CABP1: variants seen among roughly 807,000 people sequenced by gnomAD.
CABP1 encodes the protein calcium-binding protein 1.
In CABP1, 17 loss-of-function variants were observed where a neutral mutation model predicts 34.3. That is an observed-to-expected ratio of 0.50 (90% confidence interval 0.34 to 0.74). The LOEUF is 0.74. CABP1 is among the 30% of genes least tolerant of loss of function. The probability of loss-of-function intolerance (pLI) is 0.01; values close to 1 mark genes in which losing one functional copy is unlikely to be tolerated. For missense variants in CABP1, 373 were observed against 511.1 expected (o/e 0.73, Z 2.61); for synonymous variants, 198 against 229.2 (o/e 0.86, Z 1.23).
chr12:120,674,346 C>T, the CABP1 span, among the ~76,000 whole-genome samples: 4 of 152,240 alleles, frequency 2.6e-5, no homozygotes, highest in African/African-American at 9.6e-5. Context: ...TATGGCAGAA[C>T]CTCTTATTGA....
intron 1 of CABP1, chr12:120,650,734 C>T (rs1251508834): frequency 2.5e-6 from 4 of 1,571,860 alleles, no homozygotes; most frequent in African/African-American, 1.4e-5. Context: ...GGGTATCTCA[C>T]CATCTGTCTC....
In CABP1 at chr12:120,641,938, G is replaced by A. The variant is rs1183083639; in HGVS notation, c.654+599G>A. ...GCTGTGGCTCAAACTGGAACTTTGG[G>A]GTGGTTTAAGGAGGCTGTCACTCTA... On this transcript the variant is annotated intron_variant, in intron 1 of 5. Transcript: ENST00000316803. The surrounding 1 kb of genome is among the most constrained non-coding windows in gnomAD (Gnocchi z 6.7). Among the ~76,000 whole-genome samples the A allele has an allele frequency of 6.6e-6, 1 of 152,104 alleles. No individual in the cohort carries two copies. The highest frequency in any genetic ancestry group is 2.4e-5 in the African/African-American group (1 of 41,398).
chr12:120,656,209 G>T, intron 1 of CABP1: 1 of 1,603,580 alleles, frequency 6.2e-7, no homozygotes, highest in East Asian at 2.2e-5. Flanking sequence ...GCGCAGTCAT[G>T]CACAACCTGC....
intron 1 of CABP1, among the ~76,000 whole-genome samples, chr12:120,644,607 A>G (rs1164078417): frequency 6.6e-6 from 1 of 152,158 alleles, no homozygotes; most frequent in Admixed American, 6.5e-5. Flanking sequence ...GGAGGAGGCA[A>G]ATGTGGATAA....
Position 120,658,158 on chromosome 12 carries a change from A to G in CABP1, c.655-1720A>G, listed in dbSNP as rs183641683. On this transcript the variant is annotated intron_variant, in intron 1 of 5. Transcript: ENST00000316803. Reference sequence around the variant, plus strand: ...GTCCAGGTGGAAGTGCAGTGGTGCAATCTTGGATCACTGCAATCTCTGCCT... The same window carrying G: ...GTCCAGGTGGAAGTGCAGTGGTGCAGTCTTGGATCACTGCAATCTCTGCCT... Among the ~76,000 whole-genome samples the G allele has an allele frequency of 3.5e-3, 504 of 142,884 alleles. 2 individuals are homozygous for G. The highest frequency in any genetic ancestry group is 0.012 in the African/African-American group (464 of 37,856). 93.7% of individuals were successfully genotyped at this position (142,884 alleles called of 152,430 possible).
chr12:120,651,679 C>T (rs1879856195), intron 1 of CABP1, among the ~76,000 whole-genome samples: 4 of 152,208 alleles, frequency 2.6e-5, no homozygotes, highest in Admixed American at 2.6e-4. Flanking sequence ...CTATCTTGGT[C>T]AGTTTACCAG....
chr12:120,657,593 C>T (rs781661818), intron 1 of CABP1, among the ~76,000 whole-genome samples: 13 of 152,212 alleles, frequency 8.5e-5, no homozygotes, highest in Non-Finnish European at 1.3e-4. Flanking sequence ...CGTGATCTTC[C>T]TGGCACATTA....
In CABP1 at chr12:120,641,287, CG is replaced by C; in HGVS notation, c.604del (p.Asp202ThrfsTer74). The C allele has an allele frequency of 7.6e-7, 1 of 1,324,490 alleles. No homozygotes were observed. Among genetic ancestry groups the C allele is most frequent in the Non-Finnish European group, 9.6e-7 (1 of 1,038,878 alleles). 82.0% of individuals were successfully genotyped at this position (1,324,490 alleles called of 1,614,324 possible). On this transcript the variant is annotated frameshift_variant, in exon 1 of 6. Coordinates refer to ENST00000316803, the MANE Select transcript of CABP1 (RefSeq NM_001033677.2). LOFTEE classifies it high-confidence loss of function. The surrounding 1 kb of genome is among the most constrained non-coding windows in gnomAD (Gnocchi z 6.7). ...GDSVPAAASE[A>X]DPFLHRLRPM... ...TCCGTTCCAGCCGCCGCGTCCGAGG[CG>C]GACCCGTTCCTCCACCGGCTGCGCC...
chr12:120,672,688 T>C, the CABP1 span, among the ~76,000 whole-genome samples: 1 of 138,430 alleles, frequency 7.2e-6, no homozygotes, highest in African/African-American at 2.8e-5. Flanking sequence ...TAAATGATAG[T>C]ATGTAGGGAT....
intron 1 of CABP1, among the ~76,000 whole-genome samples, chr12:120,656,752 A>G (rs496212): frequency 0.52 from 78,452 of 151,856 alleles, 20,970 homozygotes; most frequent in Non-Finnish European, 0.6. Flanking sequence ...AAAATTAGCT[A>G]GGCATGGTGG....
chr12:120,660,352 A>C lies in CABP1; in HGVS notation c.829+13A>C. ...ATCAACATGAACCGTGAGTCCCTCT[A>C]CCAGGCATCTGCGTCCCTTCGGTCC... On this transcript the variant is annotated intron_variant, in intron 3 of 5. Transcript: ENST00000316803. This position sits in a 1 kb window ranked among gnomAD's most constrained non-coding sequence, Gnocchi z 5.0. The C allele has an allele frequency of 6.2e-7, 1 of 1,610,718 alleles. No homozygotes were observed. Among genetic ancestry groups the C allele is most frequent in the Non-Finnish European group, 8.5e-7 (1 of 1,179,340 alleles).
At chr12:120,679,502 T>C in the CABP1 span, among the ~76,000 whole-genome samples, 3 of 152,218 alleles carry the variant, frequency 2.0e-5, no homozygotes, top group Non-Finnish European at 4.4e-5. Context: ...GACCTGGGTT[T>C]ATATGCCTTA....
chr12:120,659,603 C>T (rs773809510), intron 1 of CABP1: 1 of 397,060 alleles, frequency 2.5e-6, no homozygotes, highest in East Asian at 4.3e-5. Flanking sequence ...ATTCTTGTAT[C>T]TGGAACAAGG....
the CABP1 span, among the ~76,000 whole-genome samples, chr12:120,679,895 AGCAT>A: frequency 6.6e-6 from 1 of 151,930 alleles, no homozygotes; most frequent in Non-Finnish European, 1.5e-5. Context: ...TCTTCTGGCC[AGCAT>A]GGTAGCTCAT....
intron 1 of CABP1, among the ~76,000 whole-genome samples, chr12:120,658,065 C>A (rs2137355780): frequency 6.6e-6 from 1 of 151,282 alleles, no homozygotes; most frequent in East Asian, 1.9e-4. Context: ...GTGACCTACC[C>A]TTAAGCCAGG....
At chr12:120,658,647 TGTC>T (rs2137357485) in intron 1 of CABP1, among the ~76,000 whole-genome samples, 1 of 152,304 alleles carries the variant, frequency 6.6e-6, no homozygotes, top group East Asian at 1.9e-4. Flanking sequence ...TTTCTGGTGT[TGTC>T]GTCTTTTGTC....
At chr12:120,648,173 C>G (rs1417003460) in intron 1 of CABP1, among the ~76,000 whole-genome samples, 4 of 152,200 alleles carry the variant, frequency 2.6e-5, no homozygotes, top group African/African-American at 7.2e-5. Flanking sequence ...TACATATGGT[C>G]TATTTTCTAG....
At chr12:120,666,100 AGG>A (rs1371629214) in intron 5 of CABP1, among the ~76,000 whole-genome samples, 1 of 151,478 alleles carries the variant, frequency 6.6e-6, no homozygotes, top group Non-Finnish European at 1.5e-5. Context: ...TGGGAGGCCA[AGG>A]CAGGAGGATT....
At chr12:120,662,736 G>A (rs1303555611) in intron 5 of CABP1, among the ~76,000 whole-genome samples, 1 of 145,688 alleles carries the variant, frequency 6.9e-6, no homozygotes, top group Non-Finnish European at 1.5e-5. Flanking sequence ...CCAGGCTGGA[G>A]TGCAATGGCA....
Sources: gnomAD v4.1 joint callset for allele counts (sites outside exome capture counted in the v4.1 genomes callset) on GRCh38, gnomAD v4.1.1 for gene constraint, Gnocchi (gnomAD v3.1) non-coding constraint, MANE v1.5 for transcripts, NCBI Gene and HGNC (gene_info 2026-07-23, HGNC 2026-07-21) for gene names.